The following CNTN5 variants were observed in gnomAD, a reference collection of about 807,000 sequenced individuals.
CNTN5 encodes the protein contactin-5.
In CNTN5, 77 loss-of-function variants were observed where a neutral mutation model predicts 129.1. That is an observed-to-expected ratio of 0.60 (90% CI 0.50 to 0.72). The LOEUF is 0.72. CNTN5 is among the 30% of genes least tolerant of loss of function. The pLI, the probability that CNTN5 is intolerant of heterozygous loss-of-function variation, is 0.00. For missense variants in CNTN5, 1,478 were observed against 1,328.8 expected (o/e 1.11, Z -1.75); for synonymous variants, 509 against 465.6 (o/e 1.09, Z -1.20).
chr11:100,222,007 G>A (rs1370127237), intron 15 of CNTN5, among the ~76,000 whole-genome samples: 1 of 152,080 alleles, frequency 6.6e-6, no homozygotes, highest in African/African-American at 2.4e-5. Context: ...TAGTATAATG[G>A]GCTCCCACAT....
Position 100,267,762 on chromosome 11 carries a change from C to T in CNTN5, c.2165-3330C>T, listed in dbSNP as rs542270481. Among the ~76,000 whole-genome samples the T allele has an allele frequency of 6.6e-5, 10 of 152,128 alleles. No individual in the cohort carries two copies. The East Asian group carries it at 7.8e-4, about 12-fold the overall frequency. The stretch of plus-strand genomic sequence containing the variant: ...GGTTTTCACCGTCAGAGAAATAAGA[C>T]GTCGGAGGATTGCTTTTCTAAGTCT... On this transcript the variant is annotated intron_variant, in intron 17 of 24. Coordinates refer to ENST00000524871, the MANE Select transcript of CNTN5 (RefSeq NM_014361.4).
intron 6 of CNTN5, among the ~76,000 whole-genome samples, chr11:99,908,480 A>G (rs939015956): frequency 2.6e-5 from 4 of 152,030 alleles, no homozygotes; most frequent in African/African-American, 9.7e-5. Context: ...AAAATTTCCT[A>G]AGATTTTTAG....
At chr11:99,587,297 T>C (rs1949826092) in intron 3 of CNTN5, among the ~76,000 whole-genome samples, 1 of 152,196 alleles carries the variant, frequency 6.6e-6, no homozygotes, top group African/African-American at 2.4e-5. Flanking sequence ...TTGCTACCAT[T>C]ATATAGAGAA....
At chr11:99,214,343 G>A (rs1860002243) in intron 1 of CNTN5, among the ~76,000 whole-genome samples, 3 of 147,754 alleles carry the variant, frequency 2.0e-5, no homozygotes, top group African/African-American at 7.4e-5. Flanking sequence ...TCTGTGCAAA[G>A]CAATTTCAGA....
At chr11:99,041,133 C>T (rs1021553356) in intron 1 of CNTN5, among the ~76,000 whole-genome samples, 6 of 152,136 alleles carry the variant, frequency 3.9e-5, no homozygotes, top group African/African-American at 1.4e-4. Context: ...ACTTATGTTT[C>T]ATGGAGTAGG....
chr11:99,632,263 TTA>T (rs1162104620), intron 3 of CNTN5, among the ~76,000 whole-genome samples: 2 of 152,170 alleles, frequency 1.3e-5, no homozygotes, highest in African/African-American at 2.4e-5. Context: ...TGAAATAAAA[TTA>T]TATACTGTAA....
intron 2 of CNTN5, among the ~76,000 whole-genome samples, chr11:99,379,124 T>A (rs968741821): frequency 6.6e-6 from 1 of 151,404 alleles, no homozygotes; most frequent in African/African-American, 2.4e-5. Flanking sequence ...ATTATTTGCC[T>A]CTGCTAACCT....
At chr11:99,666,793 A>G (rs1190190851) in intron 3 of CNTN5, among the ~76,000 whole-genome samples, 1 of 152,166 alleles carries the variant, frequency 6.6e-6, no homozygotes, top group Non-Finnish European at 1.5e-5. Context: ...TCTTAGCCTC[A>G]GCTCCAGTCA....
intron 2 of CNTN5, among the ~76,000 whole-genome samples, chr11:99,349,324 C>T (rs760243174): frequency 2.0e-5 from 3 of 152,022 alleles, no homozygotes; most frequent in Non-Finnish European, 2.9e-5. Flanking sequence ...TTTTCCTGGC[C>T]GTCTGCCAGA....
chr11:99,662,444 A>C (rs983924026), intron 3 of CNTN5, among the ~76,000 whole-genome samples: 1 of 152,206 alleles, frequency 6.6e-6, no homozygotes, highest in African/African-American at 2.4e-5. Context: ...AACAAGCTAG[A>C]TAAAAGTAGT....
chr11:100,158,548 T>C (rs1947334173), intron 13 of CNTN5, among the ~76,000 whole-genome samples: 1 of 151,860 alleles, frequency 6.6e-6, no homozygotes, highest in African/African-American at 2.4e-5. Context: ...GCAAATATCC[T>C]GACCAAGCTT....
At chr11:100,060,485 T>A (rs1013289955) in intron 9 of CNTN5, among the ~76,000 whole-genome samples, 1 of 152,086 alleles carries the variant, frequency 6.6e-6, no homozygotes, top group Non-Finnish European at 1.5e-5. Flanking sequence ...ATTTGCTATT[T>A]GGCCAGAAAA....
intron 1 of CNTN5, among the ~76,000 whole-genome samples, chr11:99,088,779 T>A (rs1166552673): frequency 6.6e-6 from 1 of 152,202 alleles, no homozygotes; most frequent in Non-Finnish European, 1.5e-5. Flanking sequence ...GAGAAATTAA[T>A]AGGATGGAGA....
At chr11:99,616,584 G>A (rs980721291) in intron 3 of CNTN5, among the ~76,000 whole-genome samples, 8 of 152,082 alleles carry the variant, frequency 5.3e-5, no homozygotes, top group Non-Finnish European at 1.2e-4. Flanking sequence ...TAGAGAATGT[G>A]GATAATAGGC....
intron 2 of CNTN5, among the ~76,000 whole-genome samples, chr11:99,371,105 A>T (rs905699250): frequency 6.6e-6 from 1 of 152,122 alleles, no homozygotes; most frequent in Non-Finnish European, 1.5e-5. Context: ...GTTTGTTTTT[A>T]TGAGAAAGGA....
intron 9 of CNTN5, among the ~76,000 whole-genome samples, chr11:100,006,456 C>T (rs905819239): frequency 7.9e-5 from 12 of 152,092 alleles, no homozygotes; most frequent in Non-Finnish European, 1.8e-4. Context: ...TGTAATGGTC[C>T]AGATCCTTTG....
chr11:99,356,898 A>T (rs1938712260), intron 2 of CNTN5, among the ~76,000 whole-genome samples: 1 of 152,006 alleles, frequency 6.6e-6, no homozygotes, highest in Non-Finnish European at 1.5e-5. Flanking sequence ...ATCTTACCTT[A>T]ACAATTGGAA....
chr11:99,392,743 C>T (rs762063427), intron 2 of CNTN5, among the ~76,000 whole-genome samples: 22 of 151,836 alleles, frequency 1.4e-4, no homozygotes, highest in Non-Finnish European at 2.9e-4. Context: ...AACAATTATA[C>T]TAAAAGGTTG....
rs181506625 is a variant in CNTN5, at chr11:99,818,946, T to A, written c.56-598T>A. The stretch of plus-strand genomic sequence containing the variant: ...TGTACCAGAGTGAATTTGACTACTT[T>A]TCAAGAACATGAGGTATTACTTAGA... On this transcript the variant is annotated intron_variant, in intron 3 of 24. Coordinates refer to ENST00000524871, the MANE Select transcript of CNTN5 (RefSeq NM_014361.4). Among the ~76,000 whole-genome samples the A allele has an allele frequency of 4.1e-3, 621 of 152,210 alleles. 7 individuals are homozygous for A. The highest frequency in any genetic ancestry group is 0.014 in the African/African-American group (586 of 41,490).
Sources: allele counts gnomAD v4.1 joint callset (sites outside exome capture counted in the v4.1 genomes callset), GRCh38; gene constraint gnomAD v4.1.1; transcripts MANE v1.5; gene names NCBI Gene and HGNC (gene_info 2026-07-23, HGNC 2026-07-21).